The following ANKS1B variants were observed in gnomAD, a reference collection of about 807,000 sequenced individuals.
The protein encoded by ANKS1B is ankyrin repeat and sterile alpha motif domain-containing protein 1B.
Under a neutral mutation model 148.3 loss-of-function variants are expected in ANKS1B, and 36 were observed. The ratio of observed to expected loss-of-function variants is 0.24; its 90% CI spans 0.19 to 0.32. The LOEUF (loss-of-function observed/expected upper bound fraction) is 0.32, where lower values mean the gene tolerates loss of function less well. ANKS1B is among the 10% of genes least tolerant of loss of function. The pLI, the probability that ANKS1B is intolerant of heterozygous loss-of-function variation, is 1.00. For missense variants in ANKS1B, 1,157 were observed against 1,542.6 expected (o/e 0.75, Z 4.19); for synonymous variants, 542 against 560.8 (o/e 0.97, Z 0.47).
At chr12:99,804,446 T>C (rs2067339633) in intron 4 of ANKS1B, among the ~76,000 whole-genome samples, 1 of 152,088 alleles carries the variant, frequency 6.6e-6, no homozygotes, top group South Asian at 2.1e-4. Context: ...AGAAAAGATA[T>C]TACAAATATC....
chr12:99,498,103 C>T (rs1407487712), intron 10 of ANKS1B, among the ~76,000 whole-genome samples: 2 of 152,146 alleles, frequency 1.3e-5, no homozygotes, highest in Non-Finnish European at 2.9e-5. Context: ...TTGCCTTTCT[C>T]TGCTGCAATT....
intron 9 of ANKS1B, among the ~76,000 whole-genome samples, chr12:99,597,986 G>A (rs2097771464): frequency 1.3e-5 from 2 of 151,976 alleles, no homozygotes; most frequent in Non-Finnish European, 1.5e-5. Flanking sequence ...AGTAAAAACT[G>A]AAATAGGGGT....
chr12:99,419,292 T>C (rs2095010043), intron 11 of ANKS1B, among the ~76,000 whole-genome samples: 1 of 152,240 alleles, frequency 6.6e-6, no homozygotes, highest in Non-Finnish European at 1.5e-5. Flanking sequence ...TTAATAGTTG[T>C]AGGGCTATTC....
chr12:99,775,115 C>A (rs1367417695), intron 7 of ANKS1B, among the ~76,000 whole-genome samples: 1 of 151,866 alleles, frequency 6.6e-6, no homozygotes, highest in Non-Finnish European at 1.5e-5. Context: ...CTATTGTATA[C>A]CTGAAACTTG....
intron 15 of ANKS1B, among the ~76,000 whole-genome samples, chr12:99,115,513 T>C (rs2061165340): frequency 6.6e-6 from 1 of 152,216 alleles, no homozygotes; most frequent in African/African-American, 2.4e-5. Flanking sequence ...AAAATAACTA[T>C]TGGGTACTAG....
At chr12:99,300,088 C>G (rs949398331) in intron 12 of ANKS1B, among the ~76,000 whole-genome samples, 2 of 152,096 alleles carry the variant, frequency 1.3e-5, no homozygotes, top group African/African-American at 4.8e-5. Context: ...TATGCCACTG[C>G]CAGCTGATTA....
chr12:99,774,656 G>A (rs2063487591), intron 7 of ANKS1B, among the ~76,000 whole-genome samples: 1 of 152,086 alleles, frequency 6.6e-6, no homozygotes, highest in Non-Finnish European at 1.5e-5. Context: ...AATGAAACCA[G>A]TATCTTGGAG....
intron 1 of ANKS1B, among the ~76,000 whole-genome samples, chr12:99,896,863 A>G (rs974928769): frequency 1.3e-5 from 2 of 151,300 alleles, no homozygotes; most frequent in African/African-American, 4.8e-5. Context: ...GTCACTCATA[A>G]TTAGTGCAAA....
At chr12:99,465,705 T>A (rs2096092807) in intron 10 of ANKS1B, among the ~76,000 whole-genome samples, 1 of 152,106 alleles carries the variant, frequency 6.6e-6, no homozygotes, top group South Asian at 2.1e-4. Context: ...CAGGCCATTA[T>A]ATAATGGTAA....
At chr12:98,852,167 A>G (rs2099531960) in intron 17 of ANKS1B, among the ~76,000 whole-genome samples, 1 of 152,140 alleles carries the variant, frequency 6.6e-6, no homozygotes, top group Non-Finnish European at 1.5e-5. Context: ...AAATAATTCA[A>G]ATAGTGAGGA....
At chr12:99,797,175 T>C (rs1359064575) in intron 4 of ANKS1B, among the ~76,000 whole-genome samples, 3 of 151,934 alleles carry the variant, frequency 2.0e-5, no homozygotes, top group Non-Finnish European at 4.4e-5. Context: ...ATAATTTCCT[T>C]CTTTTCATCA....
At chr12:99,166,390 A>G (rs1027117060) in intron 14 of ANKS1B, among the ~76,000 whole-genome samples, 3 of 151,944 alleles carry the variant, frequency 2.0e-5, no homozygotes, top group Admixed American at 6.6e-5. Flanking sequence ...TGAGACCTAC[A>G]TAAAAACTAC....
At chr12:99,055,447 T>C (rs1166367990) in intron 16 of ANKS1B, among the ~76,000 whole-genome samples, 1 of 152,174 alleles carries the variant, frequency 6.6e-6, no homozygotes, top group Non-Finnish European at 1.5e-5. Flanking sequence ...AGTTGTCTCA[T>C]ACCAGTGAAC....
intron 12 of ANKS1B, among the ~76,000 whole-genome samples, chr12:99,305,359 A>G (rs1410264448): frequency 6.6e-6 from 1 of 152,150 alleles, no homozygotes; most frequent in African/African-American, 2.4e-5. Context: ...ATAAAATTAC[A>G]TTATTTCATA....
intron 1 of ANKS1B, among the ~76,000 whole-genome samples, chr12:99,908,531 T>C (rs562898835): frequency 9.9e-5 from 15 of 152,016 alleles, no homozygotes; most frequent in Non-Finnish European, 2.1e-4. Flanking sequence ...AAGTGAACCA[T>C]GATCACGCCA....
At chr12:98,863,508 T>C (rs1023166038) in intron 17 of ANKS1B, among the ~76,000 whole-genome samples, 1 of 152,236 alleles carries the variant, frequency 6.6e-6, no homozygotes, top group African/African-American at 2.4e-5. Flanking sequence ...GCAACAAATT[T>C]TTTAATTGCT....
intron 8 of ANKS1B, among the ~76,000 whole-genome samples, chr12:99,730,568 G>A (rs1460050025): frequency 2.6e-5 from 4 of 152,158 alleles, no homozygotes; most frequent in African/African-American, 9.7e-5. Context: ...TCATGAGTGG[G>A]GAGCTGTGCA....
At chr12:99,681,519 T>G (rs1157360499) in intron 8 of ANKS1B, among the ~76,000 whole-genome samples, 3 of 152,160 alleles carry the variant, frequency 2.0e-5, no homozygotes, top group Non-Finnish European at 4.4e-5. Flanking sequence ...CAGGACTCTT[T>G]GCAGACACTC....
chr12:98,967,751 T>TAAAAAAAA (rs544792811), intron 17 of ANKS1B, among the ~76,000 whole-genome samples: 4 of 81,346 alleles, frequency 4.9e-5, no homozygotes, highest in East Asian at 3.0e-4. Context: ...CAGACAAATC[T>TAAAAAAAA]AAAAAAAAAA....
Sources: gnomAD v4.1 joint callset for allele counts (sites outside exome capture counted in the v4.1 genomes callset) on GRCh38, gnomAD v4.1.1 for gene constraint, MANE v1.5 for transcripts, NCBI Gene and HGNC (gene_info 2026-07-23, HGNC 2026-07-21) for gene names.